The following ARK2N variants were observed in gnomAD, a reference collection of about 807,000 sequenced individuals.
The protein encoded by ARK2N is arkadia (RNF111) N-terminal like PKA signaling regulator 2N.
chr18:46,176,647 T>C, the ARK2N span, among the ~76,000 whole-genome samples: 2 of 150,286 alleles, frequency 1.3e-5, no homozygotes, highest in Non-Finnish European at 3.0e-5. Flanking sequence ...TTTTTTGAGA[T>C]GGAGTTTTGC....
chr18:46,215,117 G>A, the ARK2N span, among the ~76,000 whole-genome samples: 1 of 152,126 alleles, frequency 6.6e-6, no homozygotes, highest in African/African-American at 2.4e-5. Flanking sequence ...TCAGGAGTTC[G>A]AGACCAGCCT....
At chr18:46,229,962 T>A in the ARK2N span, among the ~76,000 whole-genome samples, 2 of 152,056 alleles carry the variant, frequency 1.3e-5, no homozygotes, top group Non-Finnish European at 2.9e-5. Flanking sequence ...AGTCTCGCTT[T>A]GTCGCCCAGG....
chr18:46,245,573 T>TAA, the ARK2N span, among the ~76,000 whole-genome samples: 590 of 117,380 alleles, frequency 5.0e-3, 9 homozygotes, highest in African/African-American at 9.7e-3. Context: ...TCTGTCTCAA[T>TAA]AAAAAAAAAA....
chr18:46,251,665 A>G, the ARK2N span, among the ~76,000 whole-genome samples: 1 of 152,244 alleles, frequency 6.6e-6, no homozygotes, highest in Non-Finnish European at 1.5e-5. Flanking sequence ...CAGAATCTAC[A>G]TATTTTTATA....
At chr18:46,189,212 CAAAAAAAA>C in the ARK2N span, among the ~76,000 whole-genome samples, 501 of 86,870 alleles carry the variant, frequency 5.8e-3, 1 homozygote, top group African/African-American at 0.022. Context: ...GAGACTGTCT[CAAAAAAAA>C]AAAAAAAAAA....
chr18:46,225,088 TG>T, the ARK2N span, among the ~76,000 whole-genome samples: 1 of 152,140 alleles, frequency 6.6e-6, no homozygotes, highest in South Asian at 2.1e-4. Context: ...GTTCCACGTG[TG>T]GATGGAAAAG....
the ARK2N span, among the ~76,000 whole-genome samples, chr18:46,195,392 G>A: frequency 6.7e-6 from 1 of 148,564 alleles, no homozygotes; most frequent in South Asian, 2.1e-4. Flanking sequence ...CAGTCTCCCA[G>A]GTAGCAAGGA....
the ARK2N span, among the ~76,000 whole-genome samples, chr18:46,219,999 A>G: frequency 1.3e-5 from 2 of 152,184 alleles, no homozygotes; most frequent in African/African-American, 4.8e-5. Context: ...ACATACGTGC[A>G]TCGGTGTACA....
the ARK2N span, chr18:46,265,415 TG>T: frequency 6.6e-6 from 1 of 152,418 alleles, no homozygotes; most frequent in Non-Finnish European, 1.5e-5. Flanking sequence ...TCTACAGAGT[TG>T]GCGTGCTGTG....
the ARK2N span, among the ~76,000 whole-genome samples, chr18:46,229,225 A>G: frequency 7.7e-6 from 1 of 130,058 alleles, no homozygotes; most frequent in East Asian, 2.0e-4. Flanking sequence ...TGTTGTTTTG[A>G]AAAAAAAAAA....
At chr18:46,212,474 T>C in the ARK2N span, among the ~76,000 whole-genome samples, 17 of 152,304 alleles carry the variant, frequency 1.1e-4, no homozygotes, top group East Asian at 1.2e-3. Flanking sequence ...CTTTTTTCAT[T>C]AAAATTGCGT....
chr18:46,208,234 A>G, the ARK2N span, among the ~76,000 whole-genome samples: 1 of 152,114 alleles, frequency 6.6e-6, no homozygotes, highest in African/African-American at 2.4e-5. Context: ...CTTCAGTACT[A>G]CCTCATTCAT....
the ARK2N span, among the ~76,000 whole-genome samples, chr18:46,239,129 A>G: frequency 6.6e-6 from 1 of 152,174 alleles, no homozygotes; most frequent in Non-Finnish European, 1.5e-5. Context: ...TAAAGCATGT[A>G]TCTATTCTAC....
At chr18:46,249,028 A>G in the ARK2N span, among the ~76,000 whole-genome samples, 4,524 of 152,172 alleles carry the variant, frequency 0.03, 231 homozygotes, top group African/African-American at 0.1. Flanking sequence ...AATGTCACTT[A>G]TAGAGTTGAC....
the ARK2N span, among the ~76,000 whole-genome samples, chr18:46,202,105 G>A: frequency 6.6e-6 from 1 of 151,948 alleles, no homozygotes; most frequent in East Asian, 1.9e-4. Flanking sequence ...ACTTTGCCCT[G>A]GCCTAAAGCT....
the ARK2N span, among the ~76,000 whole-genome samples, chr18:46,251,292 C>T: frequency 1.3e-5 from 2 of 152,142 alleles, no homozygotes; most frequent in East Asian, 1.9e-4. Flanking sequence ...TGGCCACAAG[C>T]AAGGTATTGG....
At chr18:46,190,042 C>A in the ARK2N span, among the ~76,000 whole-genome samples, 8 of 152,124 alleles carry the variant, frequency 5.3e-5, no homozygotes, top group Admixed American at 2.6e-4. Flanking sequence ...ATATATCTAT[C>A]TAAATATATT....
the ARK2N span, among the ~76,000 whole-genome samples, chr18:46,241,081 T>G: frequency 6.6e-6 from 1 of 152,248 alleles, no homozygotes; most frequent in South Asian, 2.1e-4. Context: ...TAAAGTTATT[T>G]TTATGAAAAA....
the ARK2N span, among the ~76,000 whole-genome samples, chr18:46,185,318 G>A: frequency 1.3e-5 from 2 of 152,182 alleles, no homozygotes; most frequent in African/African-American, 4.8e-5. Context: ...CTTTCTCATA[G>A]TGTGCTATTT....
Sources: gnomAD v4.1 joint callset for allele counts (sites outside exome capture counted in the v4.1 genomes callset) on GRCh38, gnomAD v4.1.1 for gene constraint, MANE v1.5 for transcripts, NCBI Gene and HGNC (gene_info 2026-07-23, HGNC 2026-07-21) for gene names.